Variants in TYR observed in about 807,000 individuals in gnomAD.
TYR encodes the protein tyrosinase.
A neutral mutation model predicts 51.5 loss-of-function variants in TYR; 58 were observed. The observed-to-expected ratio is 1.13, with a 90% CI of 0.91 to 1.40. TYR has a LOEUF of 1.40. TYR is among the 40% of genes most tolerant of loss of function. The probability of loss-of-function intolerance (pLI) is 0.00; values close to 1 mark genes in which losing one functional copy is unlikely to be tolerated. For missense variants in TYR, 732 were observed against 647.4 expected (o/e 1.13, Z -1.42); for synonymous variants, 263 against 235.2 (o/e 1.12, Z -1.08).
intron 2 of TYR, among the ~76,000 whole-genome samples, chr11:89,204,954 C>T (rs777640826): frequency 9.9e-5 from 15 of 152,024 alleles, no homozygotes; most frequent in East Asian, 3.9e-4. Context: ...ACCGCAATTA[C>T]GTTTGTACCA....
intron 3 of TYR, among the ~76,000 whole-genome samples, chr11:89,279,574 G>A (rs1275587703): frequency 1.3e-5 from 2 of 151,636 alleles, no homozygotes; most frequent in African/African-American, 2.4e-5. Context: ...CTTTTCTGAA[G>A]TCTCCCATGT....
chr11:89,214,275 GA>G (rs1943803302), intron 2 of TYR, among the ~76,000 whole-genome samples: 1 of 152,124 alleles, frequency 6.6e-6, no homozygotes, highest in Non-Finnish European at 1.5e-5. Context: ...ATAGACATAT[GA>G]AAAAATCCTC....
At chr11:89,180,061 T>C (rs1943281311) in intron 1 of TYR, among the ~76,000 whole-genome samples, 1 of 152,204 alleles carries the variant, frequency 6.6e-6, no homozygotes, top group African/African-American at 2.4e-5. Context: ...TCTACTGAAG[T>C]TCATTTAAAA....
Position 89,178,777 on chromosome 11 carries a change from G to A in TYR, c.819+5G>A. The A allele has an allele frequency of 6.2e-7, 1 of 1,613,764 alleles. No individual in the cohort carries two copies. Among genetic ancestry groups the A allele is most frequent in the South Asian group, 1.1e-5 (1 of 91,080 alleles). On this transcript the variant is annotated splice_donor_5th_base_variant and intron_variant, in intron 1 of 4. Coordinates refer to ENST00000263321, the MANE Select transcript of TYR (RefSeq NM_000372.5). ...TCATTCTTCTCCTCTTGGCAGGTAAGATATGCTAGATATACGATGTCAGAG... is the reference window on the plus strand; with the variant it reads ...TCATTCTTCTCCTCTTGGCAGGTAAAATATGCTAGATATACGATGTCAGAG...
intron 2 of TYR, among the ~76,000 whole-genome samples, chr11:89,212,162 T>A (rs1445217134): frequency 6.6e-6 from 1 of 152,168 alleles, no homozygotes; most frequent in East Asian, 1.9e-4. Flanking sequence ...CGAGCTGTTT[T>A]TTTGAAAAGA....
intron 3 of TYR, among the ~76,000 whole-genome samples, chr11:89,279,487 C>T (rs1338563408): frequency 6.6e-6 from 1 of 151,608 alleles, no homozygotes; most frequent in Non-Finnish European, 1.5e-5. Context: ...ACTCTTTTGT[C>T]CAAATTTCTG....
chr11:89,199,733 T>C (rs1469399592), intron 2 of TYR, among the ~76,000 whole-genome samples: 1 of 152,194 alleles, frequency 6.6e-6, no homozygotes, highest in Non-Finnish European at 1.5e-5. Flanking sequence ...TAATCTTCAA[T>C]AGTCTTCTCA....
intron 4 of TYR, among the ~76,000 whole-genome samples, chr11:89,291,900 T>C (rs375464020): frequency 2.0e-5 from 3 of 152,160 alleles, no homozygotes; most frequent in East Asian, 1.9e-4. Flanking sequence ...CTTCTCAGTA[T>C]AGTATTATCA....
rs3913544 is a variant in TYR at position 89,295,189 on chromosome 11, G to C, written c.1413G>C (p.Ala471=). The change falls in exon 5 of 5, where the codon GCG becomes GCC. Residue 471 remains alanine (A), a synonymous_variant. Transcript: ENST00000263321. Reference sequence around the variant, plus strand: ...ACATTAAGTCCTATTTGGAACAAGCGAGTCGGATCTGGTCATGGCTCCTTG... The same window carrying C: ...ACATTAAGTCCTATTTGGAACAAGCCAGTCGGATCTGGTCATGGCTCCTTG... ...QDYIKSYLEQ[A]SRIWSWLLGA... is the part of the protein sequence containing the mutation. The C allele has an allele frequency of 3.1e-6, 5 of 1,613,890 alleles. No individual in the cohort carries two copies. Among genetic ancestry groups the C allele is most frequent in the African/African-American group, 1.3e-5 (1 of 74,936 alleles).
At chr11:89,285,116 T>C (rs528456570) in intron 4 of TYR, among the ~76,000 whole-genome samples, 162 bp downstream of exon 4, 1 of 151,930 alleles carries the variant, frequency 6.6e-6, no homozygotes, top group East Asian at 1.9e-4. Flanking sequence ...ATCACAGGAA[T>C]CAAATTCTGA....
intron 3 of TYR, among the ~76,000 whole-genome samples, chr11:89,279,122 TA>T (rs1252867306): frequency 2.6e-5 from 4 of 151,766 alleles, no homozygotes; most frequent in Admixed American, 2.0e-4. Flanking sequence ...TATTTTGAAG[TA>T]AAGGAGATTG....
intron 3 of TYR, among the ~76,000 whole-genome samples, chr11:89,284,218 T>C (rs572539683): frequency 1.3e-5 from 2 of 151,896 alleles, no homozygotes; most frequent in African/African-American, 2.4e-5. Flanking sequence ...ACTCTAACTT[T>C]AGAAAAAGCC....
Position 89,241,467 on chromosome 11 carries a change from G to T in TYR, c.1184+13497G>T, listed in dbSNP as rs74996699. On this transcript the variant is annotated intron_variant, in intron 3 of 4. Transcript: ENST00000263321. Reference sequence around the variant, plus strand: ...CAAAATGTCAAGAAATACGATATGTGTCTGATAAATATTTAAGCCCTTTAA... The same window carrying T: ...CAAAATGTCAAGAAATACGATATGTTTCTGATAAATATTTAAGCCCTTTAA... Among the ~76,000 whole-genome samples the T allele has an allele frequency of 5.9e-3, 896 of 152,008 alleles. 13 individuals are homozygous for T. The highest frequency in any genetic ancestry group is 0.021 in the African/African-American group (856 of 41,470).
chr11:89,228,886 G>A (rs967042622), intron 3 of TYR, among the ~76,000 whole-genome samples: 1 of 152,062 alleles, frequency 6.6e-6, no homozygotes, highest in African/African-American at 2.4e-5. Flanking sequence ...CAAGAAGAAA[G>A]GAGAAAATAA....
At chr11:89,294,460 C>T (rs2135331989) in intron 4 of TYR, among the ~76,000 whole-genome samples, 1 of 152,304 alleles carries the variant, frequency 6.6e-6, no homozygotes, top group Non-Finnish European at 1.5e-5. Flanking sequence ...GGCCCCTGCC[C>T]TCCAGCAGGG....
chr11:89,277,262 A>G (rs935372170), intron 3 of TYR, among the ~76,000 whole-genome samples: 3 of 151,782 alleles, frequency 2.0e-5, no homozygotes, highest in Non-Finnish European at 4.4e-5. Flanking sequence ...AAGAAAAAAA[A>G]TTTAGGAATG....
At chr11:89,193,837 A>G (rs996453964) in intron 2 of TYR, among the ~76,000 whole-genome samples, 1 of 151,402 alleles carries the variant, frequency 6.6e-6, no homozygotes, top group Non-Finnish European at 1.5e-5. Context: ...ATGAATATAT[A>G]TTTTACCCAA....
At chr11:89,212,186 T>C (rs554009157) in intron 2 of TYR, among the ~76,000 whole-genome samples, 85 of 151,906 alleles carry the variant, frequency 5.6e-4, no homozygotes, top group South Asian at 1.7e-3. Flanking sequence ...ACAAAATAGA[T>C]AGAACATTAG....
intron 4 of TYR, among the ~76,000 whole-genome samples, chr11:89,292,453 TCTC>T (rs1944862108): frequency 6.6e-6 from 1 of 152,078 alleles, no homozygotes; most frequent in South Asian, 2.1e-4. Flanking sequence ...GGATGCTGTC[TCTC>T]CTCAGTGCCA....
Sources: allele counts gnomAD v4.1 joint callset (sites outside exome capture counted in the v4.1 genomes callset), GRCh38; gene constraint gnomAD v4.1.1; transcripts MANE v1.5; gene names NCBI Gene and HGNC (gene_info 2026-07-23, HGNC 2026-07-21).